Variants in CHLSN observed in about 807,000 individuals in gnomAD.
CHLSN encodes protein cholesin.
the CHLSN span, chr7:1,092,023 A>G: frequency 6.2e-7 from 1 of 1,614,064 alleles, no homozygotes; most frequent in Non-Finnish European, 8.5e-7. Flanking sequence ...CCTGTACTTC[A>G]TCAACCTGGC....
chr7:1,061,433 C>A, the CHLSN span, among the ~76,000 whole-genome samples: 87 of 152,222 alleles, frequency 5.7e-4, no homozygotes, highest in South Asian at 0.012. Flanking sequence ...CCTCCTCATC[C>A]CCAGGTTCCC....
the CHLSN span, among the ~76,000 whole-genome samples, chr7:1,104,192 G>A: frequency 1.3e-5 from 2 of 152,268 alleles, no homozygotes. Context: ...CAAAGGCTCT[G>A]GAGAAGGCCA....
chr7:1,125,372 C>T, the CHLSN span, among the ~76,000 whole-genome samples: 5 of 151,316 alleles, frequency 3.3e-5, no homozygotes, highest in South Asian at 1.1e-3. Context: ...CACCTGCCAC[C>T]CCACATCTCA....
chr7:1,080,726 C>G, the CHLSN span: 3 of 152,272 alleles, frequency 2.0e-5, no homozygotes, highest in East Asian at 5.8e-4. Flanking sequence ...CTCAGACTGC[C>G]GACACATCGT....
At chr7:1,022,867 C>T in the CHLSN span, 17 of 369,584 alleles carry the variant, frequency 4.6e-5, no homozygotes, top group South Asian at 2.1e-4. Context: ...CCCACGCATA[C>T]GAGTCCAGGG....
At chr7:1,102,508 T>C in the CHLSN span, among the ~76,000 whole-genome samples, 1 of 152,178 alleles carries the variant, frequency 6.6e-6, no homozygotes, top group African/African-American at 2.4e-5. Context: ...CAGGGGACGG[T>C]CTTGCTTCTT....
At chr7:983,096 A>C in the CHLSN span, 1 of 897,866 alleles carries the variant, frequency 1.1e-6, no homozygotes. Context: ...TGCTCGTTCC[A>C]CATTCTCGGG....
chr7:1,064,357 T>C, the CHLSN span, among the ~76,000 whole-genome samples: 1 of 152,022 alleles, frequency 6.6e-6, no homozygotes, highest in African/African-American at 2.4e-5. Flanking sequence ...GGTGGCTCTG[T>C]AGGGAGACAA....
At chr7:1,106,733 G>T in the CHLSN span, among the ~76,000 whole-genome samples, 2 of 152,244 alleles carry the variant, frequency 1.3e-5, no homozygotes, top group African/African-American at 4.8e-5. Context: ...CAGAGAAGAT[G>T]CCGGTGCTGC....
the CHLSN span, among the ~76,000 whole-genome samples, chr7:1,081,588 C>T: frequency 4.6e-5 from 7 of 152,230 alleles, no homozygotes; most frequent in Admixed American, 2.6e-4. Context: ...GCTCAGGTCA[C>T]GCTTACGTCG....
the CHLSN span, among the ~76,000 whole-genome samples, chr7:1,079,703 G>C: frequency 6.6e-6 from 1 of 152,186 alleles, no homozygotes; most frequent in Admixed American, 6.5e-5. Context: ...GGGGCTGGGA[G>C]GGCTCAGGGG....
chr7:1,092,890 G>A, the CHLSN span: 1 of 1,593,010 alleles, frequency 6.3e-7, no homozygotes, highest in South Asian at 1.1e-5. Flanking sequence ...GCCAGGGTGT[G>A]ACTCGGGAGC....
chr7:1,014,370 T>C, the CHLSN span, among the ~76,000 whole-genome samples: 2 of 152,232 alleles, frequency 1.3e-5, no homozygotes, highest in African/African-American at 4.8e-5. Context: ...ACTAATTTGA[T>C]TTTAAAAGGT....
At chr7:1,012,059 GC>G in the CHLSN span, among the ~76,000 whole-genome samples, 1 of 152,266 alleles carries the variant, frequency 6.6e-6, no homozygotes, top group African/African-American at 2.4e-5. Flanking sequence ...GCCGCCCACA[GC>G]CGCCAACGGG....
At chr7:1,027,807 G>C in the CHLSN span, among the ~76,000 whole-genome samples, 35 of 152,230 alleles carry the variant, frequency 2.3e-4, 1 homozygote, top group Admixed American at 1.3e-4. Context: ...CCTCTCAAGG[G>C]TCACGCGGCG....
chr7:1,098,966 GA>G, the CHLSN span, among the ~76,000 whole-genome samples: 2 of 152,236 alleles, frequency 1.3e-5, no homozygotes, highest in South Asian at 2.1e-4. Flanking sequence ...CAGAAGAGTG[GA>G]TTTCTGCTAT....
the CHLSN span, among the ~76,000 whole-genome samples, chr7:1,035,671 G>A: frequency 7.2e-5 from 11 of 152,194 alleles, no homozygotes; most frequent in African/African-American, 2.7e-4. Flanking sequence ...CAACAGGAAT[G>A]CACTCATCGC....
the CHLSN span, among the ~76,000 whole-genome samples, chr7:1,134,315 TGTAATACCA>T: frequency 6.6e-6 from 1 of 152,036 alleles, no homozygotes; most frequent in African/African-American, 2.4e-5. Flanking sequence ...GGCTCACACC[TGTAATACCA>T]GCACTTTGGG....
At chr7:1,060,034 G>GTAGTGAGGCGGGGCT in the CHLSN span, among the ~76,000 whole-genome samples, 2 of 111,064 alleles carry the variant, frequency 1.8e-5, no homozygotes, top group African/African-American at 7.2e-5. Flanking sequence ...AAGCGGGTCC[G>GTAGTGAGGCGGGGCT]TAGTGAGGCG....
Sources: allele counts gnomAD v4.1 joint callset (sites outside exome capture counted in the v4.1 genomes callset), GRCh38; gene constraint gnomAD v4.1.1; transcripts MANE v1.5; gene names NCBI Gene and HGNC (gene_info 2026-07-23, HGNC 2026-07-21).